Variants in TMEM245 observed in about 807,000 individuals in gnomAD.
TMEM245 encodes transmembrane protein 245, also known as protein CG-2.
In TMEM245, 69 loss-of-function variants were observed where a neutral mutation model predicts 101.2. The observed-to-expected ratio is 0.68, with a 90% CI of 0.56 to 0.83. The LOEUF (loss-of-function observed/expected upper bound fraction) is 0.83. Ranked by LOEUF, TMEM245 falls within the 40% of genes least tolerant of loss-of-function variation. TMEM245 has a pLI of 0.00. For synonymous variants in TMEM245, 537 were observed against 449.8 expected (o/e 1.19, Z -2.45); for missense variants, 1,075 against 1,092.8 (o/e 0.98, Z 0.23).
chr9:109,050,118 C>T (rs1365003873), intron 14 of TMEM245, among the ~76,000 whole-genome samples, 165 bp downstream of exon 14: 2 of 152,168 alleles, frequency 1.3e-5, no homozygotes, highest in Non-Finnish European at 2.9e-5. Flanking sequence ...TTAACAACTG[C>T]ACTGTTCATA....
rs559150902 is a variant in TMEM245, at chr9:109,054,619, A to T, written c.1854+2572T>A. On this transcript the variant is annotated intron_variant, in intron 12 of 17. Transcript: ENST00000374586. ...CCACCTATTTACAACAATATCCAAA[A>T]AACAAAAAAAAACTGACAAAGCAAA... Among the ~76,000 whole-genome samples, 3 of 152,208 alleles carry T rather than the reference A, an allele frequency of 2.0e-5. No individual in the cohort carries two copies. The South Asian group carries it at 6.3e-4, about 32-fold the overall frequency.
chr9:109,086,886 G>A (rs1183355164), intron 6 of TMEM245, among the ~76,000 whole-genome samples: 3 of 152,086 alleles, frequency 2.0e-5, no homozygotes, highest in South Asian at 2.1e-4. Context: ...TAGGCAAGTC[G>A]CTTAACCTCT....
At chr9:109,087,523 G>A (rs1371072212) in intron 5 of TMEM245, among the ~76,000 whole-genome samples, 181 bp from the exon 6 acceptor site, 2 of 152,122 alleles carry the variant, frequency 1.3e-5, no homozygotes, top group African/African-American at 4.8e-5. Context: ...ATTGGACCAA[G>A]TAACTTTTCA....
At position 109,119,606 on chromosome 9, in the gene TMEM245, C is replaced by A; in HGVS notation, c.308G>T (p.Arg103Leu). 2 of 1,555,880 alleles carry A rather than the reference C, an allele frequency of 1.3e-6. No homozygotes were observed. The highest frequency in any genetic ancestry group is 1.7e-6 in the Non-Finnish European group (2 of 1,154,458). ...FLHPFKSSLT[R>L]LGRHWLQRLH... Reference sequence around the variant, plus strand: ...GCGCTGCAGCCAGTGGCGGCCCAGGCGCGTCAGCGAGCTCTTGAAGGGGTG... The same window carrying A: ...GCGCTGCAGCCAGTGGCGGCCCAGGAGCGTCAGCGAGCTCTTGAAGGGGTG... The change falls in exon 1 of 18, where the codon CGC becomes CTC. Residue 103 changes from arginine to leucine, a missense_variant. By Grantham distance (102) the Arg-to-Leu change is moderately radical (BLOSUM62 -2). This residue lies in a region of TMEM245 where 808 missense variants were observed against 741.5 expected (regional missense o/e 1.09). Transcript: ENST00000374586.
In TMEM245 at chr9:109,020,597, T is replaced by G. The variant is rs949068215; in HGVS notation, c.2595-92A>C. 69 of 1,121,896 alleles carry G rather than the reference T, an allele frequency of 6.2e-5. No individual in the cohort carries two copies. In the East Asian group the frequency reaches 1.7e-3, roughly 27 times the overall value. The allele number at this position is 1,121,896 out of a possible 1,614,324, so 69.5% of individuals were successfully genotyped here. A position where few individuals can be genotyped will look rare whatever the true frequency, so the allele number is the denominator to read the frequency against. ...TTGGAGCCCTAATGAGATTATATAG[T>G]CACTATTTTTTCTTAAGATTTTCAT... On this transcript the variant is annotated intron_variant, in intron 17 of 17. Transcript: ENST00000374586.
chr9:109,041,499 T>G, intron 14 of TMEM245, among the ~76,000 whole-genome samples: 1 of 134,224 alleles, frequency 7.5e-6, no homozygotes. Flanking sequence ...GGTGTCAATC[T>G]GTCACCCAGG....
intron 1 of TMEM245, among the ~76,000 whole-genome samples, chr9:109,113,371 C>CA (rs1830622265): frequency 6.6e-6 from 1 of 152,202 alleles, no homozygotes; most frequent in South Asian, 2.1e-4. Flanking sequence ...CAAACCTATT[C>CA]AAGTGTGAAT....
rs1827461029 is a variant in TMEM245 at position 109,016,836 on chromosome 9, C to CA, written c.*3623dup. 1 of 152,144 alleles carries CA rather than the reference C, an allele frequency of 6.6e-6. No homozygotes were observed. Among genetic ancestry groups the CA allele is most frequent in the Admixed American group, 6.5e-5 (1 of 15,276 alleles). 9.4% of individuals were successfully genotyped at this position (152,144 alleles called of 1,614,324 possible). On this transcript the variant is annotated 3_prime_UTR_variant, in exon 18 of 18. Coordinates refer to ENST00000374586, the MANE Select transcript of TMEM245 (RefSeq NM_032012.4). ...CTATTTCCACTGTGAAATGCACACT[C>CA]AAAGTCCTATTGTAATATTATTTTA... is the stretch of plus-strand genomic sequence containing the variant.
intron 17 of TMEM245, among the ~76,000 whole-genome samples, chr9:109,020,854 G>A (rs930117767): frequency 1.1e-4 from 17 of 152,212 alleles, no homozygotes; most frequent in Admixed American, 2.0e-4. Context: ...TTACTGGCTG[G>A]AAGTGGATAT....
chr9:109,057,966 T>C (rs1481770688), intron 11 of TMEM245, among the ~76,000 whole-genome samples: 1 of 150,430 alleles, frequency 6.6e-6, no homozygotes, highest in Admixed American at 6.7e-5. Flanking sequence ...CCTCCACCTT[T>C]CTCTTGATTT....
intron 3 of TMEM245, among the ~76,000 whole-genome samples, chr9:109,094,427 G>A (rs1564203508): frequency 6.6e-6 from 1 of 152,226 alleles, no homozygotes; most frequent in Non-Finnish European, 1.5e-5. Context: ...GGACTTGAGA[G>A]CCTGAAGTGG....
rs1192279998 is a variant in TMEM245, at chr9:109,090,997, GAGACACAAAGT to G, written c.1064_1074del (p.Tyr355SerfsTer80). ...TGCATGACGACAATGGCCCAAACTA[GAGACACAAAGT>G]AGATGTCACTAGTTTTCTTCTTTCT... On this transcript the variant is annotated frameshift_variant, in exon 5 of 18. Transcript: ENST00000374586. LOFTEE classifies it high-confidence loss of function. 6.2e-7 allele frequency: 1 copy of G among 1,614,160 alleles called. No individual in the cohort carries two copies. Among genetic ancestry groups the G allele is most frequent in the South Asian group, 1.1e-5 (1 of 91,082 alleles).
chr9:109,081,774 G>T (rs745777339), intron 7 of TMEM245, among the ~76,000 whole-genome samples: 1 of 152,132 alleles, frequency 6.6e-6, no homozygotes, highest in Admixed American at 6.5e-5. Context: ...AATCAATGTA[G>T]TAGCTGTTTC....
chr9:109,042,451 T>C (rs1465267895), intron 14 of TMEM245: 2 of 152,384 alleles, frequency 1.3e-5, no homozygotes, highest in African/African-American at 4.8e-5. Flanking sequence ...CTGGTTGTGA[T>C]CATTTAGTTG....
intron 17 of TMEM245, among the ~76,000 whole-genome samples, chr9:109,026,677 T>G (rs1490296868): frequency 1.3e-5 from 2 of 150,728 alleles, no homozygotes; most frequent in Non-Finnish European, 3.0e-5. Context: ...AGTTTGGCTG[T>G]CTGTCCCCTG....
chr9:109,067,086 C>A (rs1274574611), intron 9 of TMEM245, among the ~76,000 whole-genome samples: 1 of 150,508 alleles, frequency 6.6e-6, no homozygotes, highest in Non-Finnish European at 1.5e-5. Flanking sequence ...TGTGAAGATT[C>A]ATAGAGGTAT....
chr9:109,030,590 T>G (rs1827916052), intron 17 of TMEM245, among the ~76,000 whole-genome samples: 2 of 152,234 alleles, frequency 1.3e-5, no homozygotes, highest in South Asian at 2.1e-4. Flanking sequence ...AGTTAGCAAG[T>G]GCATTCTGTT....
At chr9:109,083,916 A>ACAAAAAAAAAAAAAAAAAAAAAAAAAAAC (rs781014271) in intron 7 of TMEM245, among the ~76,000 whole-genome samples, 1 of 132,504 alleles carries the variant, frequency 7.5e-6, no homozygotes, top group Admixed American at 8.7e-5. Flanking sequence ...AAAAAAAAAA[A>ACAAAAAAAAAAAAAAAAAAAAAAAAAAAC]AAAAAAAAAA....
chr9:109,023,100 AAAAC>A (rs1215980743), intron 17 of TMEM245, among the ~76,000 whole-genome samples: 1 of 152,222 alleles, frequency 6.6e-6, no homozygotes, highest in Non-Finnish European at 1.5e-5. Flanking sequence ...AGGACTCAGG[AAAAC>A]AAACAAACAA....
Sources: allele counts gnomAD v4.1 joint callset (sites outside exome capture counted in the v4.1 genomes callset), GRCh38; gene constraint gnomAD v4.1.1; regional missense constraint gnomAD v4.1.1; transcripts MANE v1.5; gene names NCBI Gene and HGNC (gene_info 2026-07-23, HGNC 2026-07-21).